Variants in CTNNA2 observed in about 807,000 individuals in gnomAD.
CTNNA2 encodes catenin alpha-2.
Under a neutral mutation model 101.0 loss-of-function variants are expected in CTNNA2, and 42 were observed. That is an observed-to-expected ratio of 0.42 (90% CI 0.32 to 0.54). CTNNA2 has a LOEUF of 0.54. CTNNA2 is among the 20% of genes least tolerant of loss of function. The probability of loss-of-function intolerance (pLI) is 0.14; values close to 1 mark genes in which losing one functional copy is unlikely to be tolerated. For synonymous variants in CTNNA2, 450 were observed against 456.4 expected, an observed-to-expected ratio of 0.99 and a Z score of 0.18; for missense variants, 871 against 1,223.1, an observed-to-expected ratio of 0.71 and a Z score of 4.29.
At chr2:80,307,621 G>C (rs568075266) in intron 7 of CTNNA2, among the ~76,000 whole-genome samples, 4 of 152,236 alleles carry the variant, frequency 2.6e-5, no homozygotes, top group African/African-American at 9.6e-5. Context: ...TTCTTCCCGG[G>C]TGACCATAGA....
intron 7 of CTNNA2, among the ~76,000 whole-genome samples, chr2:80,171,059 A>G (rs936689187): frequency 1.3e-5 from 2 of 152,222 alleles, no homozygotes; most frequent in Non-Finnish European, 2.9e-5. Context: ...GCTCTGAAAA[A>G]GGAGAGATTT....
At chr2:79,381,489 T>C in intron 4 of CTNNA2, among the ~76,000 whole-genome samples, 1 of 152,236 alleles carries the variant, frequency 6.6e-6, no homozygotes, top group East Asian at 1.9e-4. Flanking sequence ...AAGTCAACTT[T>C]AAATACACTT....
chr2:79,458,394 T>A (rs1291644795), intron 4 of CTNNA2, among the ~76,000 whole-genome samples: 1 of 152,206 alleles, frequency 6.6e-6, no homozygotes, highest in East Asian at 1.9e-4. Flanking sequence ...CAAGCATGAC[T>A]AGAGTAAGCA....
chr2:80,545,823 A>G (rs543384330), intron 10 of CTNNA2, 84 bp from the exon 11 acceptor site: 11 of 1,418,224 alleles, frequency 7.8e-6, no homozygotes, highest in African/African-American at 2.8e-5. Context: ...TACAGGGTGC[A>G]TGGTTTTAAC....
chr2:80,191,504 A>G (rs1706500163), intron 7 of CTNNA2, among the ~76,000 whole-genome samples: 1 of 152,130 alleles, frequency 6.6e-6, no homozygotes, highest in Admixed American at 6.5e-5. Context: ...ACTTCTTCCC[A>G]TTCAGATGCC....
chr2:79,901,412 C>G (rs915718735), intron 6 of CTNNA2, among the ~76,000 whole-genome samples: 2 of 151,912 alleles, frequency 1.3e-5, no homozygotes, highest in African/African-American at 4.8e-5. Context: ...AGTAAAAATC[C>G]AGGACACATT....
chr2:79,792,303 G>A (rs958341426), intron 3 of CTNNA2, among the ~76,000 whole-genome samples: 1 of 152,126 alleles, frequency 6.6e-6, no homozygotes. Flanking sequence ...TAAAGATAAT[G>A]TCTCCCTCTG....
intron 7 of CTNNA2, among the ~76,000 whole-genome samples, chr2:80,179,153 G>A (rs578120574): frequency 4.6e-5 from 7 of 152,302 alleles, no homozygotes; most frequent in South Asian, 4.1e-4. Context: ...GGCATTTGCC[G>A]AATCAGTGGC....
intron 7 of CTNNA2, among the ~76,000 whole-genome samples, chr2:79,929,100 C>A (rs1055920140): frequency 6.6e-6 from 1 of 152,146 alleles, no homozygotes; most frequent in African/African-American, 2.4e-5. Context: ...GGGACTGGGG[C>A]TCCAGCAAAG....
intron 14 of CTNNA2, among the ~76,000 whole-genome samples, chr2:80,588,980 C>A (rs1037092892): frequency 2.0e-5 from 3 of 152,030 alleles, no homozygotes; most frequent in African/African-American, 7.3e-5. Flanking sequence ...TTCCTGAGAC[C>A]AAATATAAAA....
intron 2 of CTNNA2, among the ~76,000 whole-genome samples, chr2:79,727,928 T>TAGTA (rs1686957408): frequency 6.6e-6 from 1 of 152,108 alleles, no homozygotes; most frequent in Admixed American, 6.5e-5. Flanking sequence ...TATGGCTGCA[T>TAGTA]AGTATTCCAT....
intron 2 of CTNNA2, among the ~76,000 whole-genome samples, chr2:79,244,285 T>C (rs1674671309): frequency 1.3e-5 from 2 of 152,258 alleles, no homozygotes; most frequent in African/African-American, 4.8e-5. Flanking sequence ...TCTCTCCGTC[T>C]CATTGCTGCT....
chr2:79,968,825 C>A (rs1478255292), intron 7 of CTNNA2, among the ~76,000 whole-genome samples: 1 of 134,196 alleles, frequency 7.5e-6, no homozygotes, highest in Non-Finnish European at 1.8e-5. Flanking sequence ...CATGGCATGA[C>A]CCTTCTTTTT....
intron 2 of CTNNA2, among the ~76,000 whole-genome samples, chr2:79,693,310 A>G (rs1278164930): frequency 1.3e-5 from 2 of 149,974 alleles, no homozygotes; most frequent in Non-Finnish European, 3.0e-5. Flanking sequence ...AAGATTTTTT[A>G]TAACATTTTA....
intron 3 of CTNNA2, among the ~76,000 whole-genome samples, chr2:79,770,562 T>C (rs1673500818): frequency 6.6e-6 from 1 of 152,212 alleles, no homozygotes; most frequent in Admixed American, 6.5e-5. Flanking sequence ...AAGCTATGTT[T>C]GATGTGCACA....
In CTNNA2 at chr2:80,390,011, C is replaced by T. The variant is rs967745741; in HGVS notation, c.1057-3200C>T. Reference sequence around the variant, plus strand: ...GTAGTAATCACACTATAAAGAAGCTCTTATAGAAATAATTTGTCTCTGTAG... The same window carrying T: ...GTAGTAATCACACTATAAAGAAGCTTTTATAGAAATAATTTGTCTCTGTAG... On this transcript the variant is annotated intron_variant, in intron 7 of 18. Coordinates refer to ENST00000402739, the MANE Select transcript of CTNNA2 (RefSeq NM_001282597.3). 3.9e-5 allele frequency among the ~76,000 whole-genome samples: 6 copies of T among 152,294 alleles called. No homozygotes were observed. The East Asian group carries it at 7.7e-4, about 20-fold the overall frequency.
chr2:79,785,213 A>C (rs114624173), intron 3 of CTNNA2, among the ~76,000 whole-genome samples: 4,065 of 152,216 alleles, frequency 0.027, 78 homozygotes, highest in South Asian at 0.13. Context: ...ATGGCTCTCC[A>C]TCTTTTGCAA....
At chr2:80,047,696 G>C (rs939127616) in intron 7 of CTNNA2, among the ~76,000 whole-genome samples, 2 of 152,168 alleles carry the variant, frequency 1.3e-5, no homozygotes, top group Non-Finnish European at 2.9e-5. Flanking sequence ...AAAGGTCAAA[G>C]ATAAGCAGAT....
intron 2 of CTNNA2, among the ~76,000 whole-genome samples, chr2:79,683,603 A>G (rs1683733818): frequency 6.6e-6 from 1 of 152,234 alleles, no homozygotes; most frequent in African/African-American, 2.4e-5. Flanking sequence ...CATATTAGCC[A>G]CAAAGAAGCA....
Sources: allele counts gnomAD v4.1 joint callset (sites outside exome capture counted in the v4.1 genomes callset), GRCh38; gene constraint gnomAD v4.1.1; transcripts MANE v1.5; gene names NCBI Gene and HGNC (gene_info 2026-07-23, HGNC 2026-07-21).